NPFFR2: variants seen among roughly 807,000 people sequenced by gnomAD.
NPFFR2 encodes the protein neuropeptide FF receptor 2.
In NPFFR2, 15 loss-of-function variants were observed where a neutral mutation model predicts 13.1. The observed-to-expected ratio is 1.15, with a 90% CI of 0.77 to 1.76. The LOEUF (loss-of-function observed/expected upper bound fraction) is 1.76, where lower values mean the gene tolerates loss of function less well. NPFFR2 is among the 40% of genes most tolerant of loss of function. The probability of loss-of-function intolerance (pLI) is 0.00; values close to 1 mark genes in which losing one functional copy is unlikely to be tolerated. For missense variants in NPFFR2, 572 were observed against 503.5 expected (o/e 1.14, Z -1.30); for synonymous variants, 190 against 175.7 (o/e 1.08, Z -0.65).
intron 1 of NPFFR2, among the ~76,000 whole-genome samples, chr4:72,105,640 C>A (rs1721397873): frequency 6.6e-6 from 1 of 151,908 alleles, no homozygotes; most frequent in Non-Finnish European, 1.5e-5. Context: ...TGTGCTACAT[C>A]TTATAACAGA....
Position 72,041,299 on chromosome 4 carries a change from G to A in NPFFR2, c.-8+9099G>A, listed in dbSNP as rs577442640. Among the ~76,000 whole-genome samples, 342 of 152,294 alleles carry A rather than the reference G, an allele frequency of 2.2e-3. 1 individual carries two copies. The highest frequency in any genetic ancestry group is 3.6e-3 in the Non-Finnish European group (248 of 68,020). ...TTGCTTAGGATAATGGCCTCCAGCCGTATCCATGTTGCTGCAAAGTACATG... is the reference window on the plus strand; with the variant it reads ...TTGCTTAGGATAATGGCCTCCAGCCATATCCATGTTGCTGCAAAGTACATG... On this transcript the variant is annotated intron_variant, in intron 1 of 3. Transcript: ENST00000308744.
At chr4:72,072,061 T>A (rs1361479170) in intron 1 of NPFFR2, among the ~76,000 whole-genome samples, 1 of 151,894 alleles carries the variant, frequency 6.6e-6, no homozygotes, top group Admixed American at 6.6e-5. Flanking sequence ...CCTACAACAA[T>A]CAAGAAACAA....
chr4:72,139,615 A>G (rs192827576), intron 3 of NPFFR2, among the ~76,000 whole-genome samples: 4 of 152,138 alleles, frequency 2.6e-5, no homozygotes, highest in Admixed American at 2.0e-4. Context: ...CCATTGGTCT[A>G]TCTCTCTGTT....
intron 2 of NPFFR2, 101 bp downstream of exon 2, chr4:72,129,020 A>C (rs1455126573): frequency 1.1e-6 from 1 of 928,064 alleles, no homozygotes; most frequent in African/African-American, 1.7e-5. Flanking sequence ...ATTTACATAT[A>C]TTTATGGAAT....
intron 1 of NPFFR2, among the ~76,000 whole-genome samples, chr4:72,104,402 T>C (rs536309753): frequency 6.6e-6 from 1 of 152,184 alleles, no homozygotes; most frequent in East Asian, 1.9e-4. Context: ...CCAACTATCA[T>C]TTTTTTCACA....
At chr4:72,050,313 C>T (rs913077438) in intron 1 of NPFFR2, among the ~76,000 whole-genome samples, 2 of 151,936 alleles carry the variant, frequency 1.3e-5, no homozygotes, top group Admixed American at 6.6e-5. Flanking sequence ...TTTTAAGCCC[C>T]CCTAACCAAC....
chr4:72,146,555 G>A (rs1267602897), intron 3 of NPFFR2: 3 of 172,156 alleles, frequency 1.7e-5, no homozygotes, highest in Non-Finnish European at 3.7e-5. Context: ...TAAAGAGGAC[G>A]ATGTAGAGGT....
chr4:72,125,603 G>T (rs185029775), intron 1 of NPFFR2, among the ~76,000 whole-genome samples: 1 of 152,180 alleles, frequency 6.6e-6, no homozygotes, highest in Admixed American at 6.5e-5. Flanking sequence ...TTTTCTTAAG[G>T]CTCTACAGAA....
chr4:72,067,048 C>T (rs1232476543), intron 1 of NPFFR2, among the ~76,000 whole-genome samples: 1 of 26,266 alleles, frequency 3.8e-5, no homozygotes, highest in African/African-American at 6.5e-5. Context: ...ACATGAGCAA[C>T]AGTCCTCTCC....
At chr4:72,116,391 G>A (rs972756954) in intron 1 of NPFFR2, among the ~76,000 whole-genome samples, 1 of 151,632 alleles carries the variant, frequency 6.6e-6, no homozygotes, top group South Asian at 2.1e-4. Context: ...TAAAGATGGG[G>A]ACAATGGACA....
intron 1 of NPFFR2, among the ~76,000 whole-genome samples, chr4:72,059,262 G>A (rs545422937): frequency 6.6e-6 from 1 of 152,142 alleles, no homozygotes; most frequent in Non-Finnish European, 1.5e-5. Flanking sequence ...GATAGATTAT[G>A]ACAGAGTTAA....
chr4:72,123,380 A>G (rs1277987105), intron 1 of NPFFR2, among the ~76,000 whole-genome samples: 1 of 152,204 alleles, frequency 6.6e-6, no homozygotes, highest in Admixed American at 6.5e-5. Flanking sequence ...CTTCCAAACA[A>G]TAGAAAAAGA....
intron 1 of NPFFR2, among the ~76,000 whole-genome samples, chr4:72,111,435 T>C (rs1721563763): frequency 6.6e-6 from 1 of 152,018 alleles, no homozygotes; most frequent in African/African-American, 2.4e-5. Flanking sequence ...ATACAGTGTT[T>C]ACCACATCAG....
chr4:72,141,329 C>G (rs765095462), intron 3 of NPFFR2, among the ~76,000 whole-genome samples: 4 of 152,114 alleles, frequency 2.6e-5, no homozygotes, highest in African/African-American at 4.8e-5. Context: ...TCTTGCTCCT[C>G]TAGTTCTTTT....
chr4:72,053,181 A>AT (rs1481595970), intron 1 of NPFFR2, among the ~76,000 whole-genome samples: 2 of 151,904 alleles, frequency 1.3e-5, no homozygotes, highest in Non-Finnish European at 2.9e-5. Context: ...AATTTGACTC[A>AT]TTTTGTCAAC....
intron 1 of NPFFR2, among the ~76,000 whole-genome samples, chr4:72,033,374 T>C (rs6446796): frequency 0.33 from 50,493 of 152,046 alleles, 8,834 homozygotes; most frequent in East Asian, 0.67. Context: ...TGATGCAATA[T>C]AGTGCAGTAA....
At chr4:72,088,374 A>T (rs2109799380) in intron 1 of NPFFR2, among the ~76,000 whole-genome samples, 1 of 152,140 alleles carries the variant, frequency 6.6e-6, no homozygotes, top group African/African-American at 2.4e-5. Flanking sequence ...TTAAGGGAAG[A>T]TGAATTTTAA....
chr4:72,124,080 A>C (rs1286447259), intron 1 of NPFFR2, among the ~76,000 whole-genome samples: 2 of 152,248 alleles, frequency 1.3e-5, no homozygotes, highest in Admixed American at 1.3e-4. Flanking sequence ...AGGATACCAA[A>C]TCAATGTGCA....
Position 72,147,016 on chromosome 4 carries a change from C to T in NPFFR2, c.467C>T (p.Thr156Ile). 1.2e-6 allele frequency: 2 copies of T among 1,613,970 alleles called. No homozygotes were observed. Among genetic ancestry groups the T allele is most frequent in the Non-Finnish European group, 1.7e-6 (2 of 1,179,916 alleles). Residue 156 changes from threonine (T) to isoleucine (I), a missense_variant, in exon 4 of 4, where the codon ACT (threonine) becomes ATT (isoleucine). Physicochemically the swap from Thr to Ile is moderately conservative, Grantham distance 89. Coordinates refer to ENST00000308744, the MANE Select transcript of NPFFR2 (RefSeq NM_004885.3). ...GTCTACCCTTTTAAACCAAAGCTCA[C>T]TATCAAGACAGCGTTTGTCATTATT... ...CVVYPFKPKLTIKTAFVIIMI... is the reference protein window; with the variant it reads ...CVVYPFKPKLIIKTAFVIIMI...
Sources: gnomAD v4.1 joint callset for allele counts (sites outside exome capture counted in the v4.1 genomes callset) on GRCh38, gnomAD v4.1.1 for gene constraint, MANE v1.5 for transcripts, NCBI Gene and HGNC (gene_info 2026-07-23, HGNC 2026-07-21) for gene names.